DCTN5: variants seen among roughly 807,000 people sequenced by gnomAD.
DCTN5 encodes the protein dynactin 4.
Under a neutral mutation model 23.5 loss-of-function variants are expected in DCTN5, and 14 were observed. That is an observed-to-expected ratio of 0.60 (90% CI 0.39 to 0.93). DCTN5 has a LOEUF of 0.93. Ranked by LOEUF, DCTN5 falls within the 40% of genes least tolerant of loss-of-function variation. The pLI is 0.00. For synonymous variants in DCTN5, 67 were observed against 79.6 expected, an observed-to-expected ratio of 0.84 and a Z score of 0.84; for missense variants, 156 against 225.9, an observed-to-expected ratio of 0.69 and a Z score of 1.98.
chr16:23,650,842 A>C, intron 2 of DCTN5: 1 of 1,467,570 alleles, frequency 6.8e-7, no homozygotes, highest in Non-Finnish European at 9.2e-7. Context: ...AGTCAGTAAG[A>C]CTGAGTGTGA....
rs993087872 is a variant in DCTN5 at position 23,674,116 on chromosome 16, G to A, written c.*6972G>A. On this transcript the variant is annotated 3_prime_UTR_variant, in exon 6 of 6. Coordinates refer to ENST00000300087, the MANE Select transcript of DCTN5 (RefSeq NM_032486.4). ...CCTAATTGCCTGGCCCTGACTCTAA[G>A]CTGAAACCTGCTACTGTCTGCCTTG... The A allele has an allele frequency of 8.5e-5, 13 of 152,172 alleles. No individual in the cohort carries two copies. Among genetic ancestry groups the A allele is most frequent in the Non-Finnish European group, 1.6e-4 (11 of 68,040 alleles). 9.4% of individuals were successfully genotyped at this position (152,172 alleles called of 1,614,324 possible).
At chr16:23,660,704 A>G (rs1410807609) in intron 3 of DCTN5, among the ~76,000 whole-genome samples, 2 of 152,156 alleles carry the variant, frequency 1.3e-5, no homozygotes, top group Non-Finnish European at 2.9e-5. Flanking sequence ...CCTAATTTCT[A>G]GCATTGAGTC....
chr16:23,665,725 C>G lies in DCTN5; in HGVS notation c.448C>G (p.Pro150Ala), dbSNP rs774195056. 3.1e-6 allele frequency: 5 copies of G among 1,612,206 alleles called. No individual in the cohort carries two copies. The Admixed American group carries it at 8.4e-5, about 27-fold the overall frequency. Residue 150 changes from proline (P) to alanine (A), a missense_variant, in exon 5 of 6, where the codon CCA (proline) becomes GCA (alanine). By Grantham distance (27) the Pro-to-Ala change is conservative. This residue lies in a region of DCTN5 where 153 missense variants were observed against 206.8 expected (regional missense o/e 0.74). Coordinates refer to ENST00000300087, the MANE Select transcript of DCTN5 (RefSeq NM_032486.4). Reference protein sequence around the residue: ...VPPFTVFSGCPGLFSGELPEC... With the variant: ...VPPFTVFSGCAGLFSGELPEC... ...ACCATTCACTGTCTTCTCAGGCTGC[C>G]CAGGTAACCTTGGCTGTTGATTAAT...
chr16:23,645,072 ACCCAGC>A (rs1191317754), intron 2 of DCTN5, among the ~76,000 whole-genome samples: 4 of 105,298 alleles, frequency 3.8e-5, no homozygotes, highest in Non-Finnish European at 7.4e-5. Context: ...GAGCCACTGC[ACCCAGC>A]CTAACTATAT....
At chr16:23,660,657 G>A (rs982457559) in intron 3 of DCTN5, among the ~76,000 whole-genome samples, 11 of 152,110 alleles carry the variant, frequency 7.2e-5, no homozygotes, top group Non-Finnish European at 1.0e-4. Flanking sequence ...CAAGCTGCTC[G>A]TGGACAGTGT....
rs1241413260 is a variant in DCTN5, at chr16:23,672,333, C to A, written c.*5189C>A. The A allele has an allele frequency of 1.3e-5, 2 of 152,164 alleles. No homozygotes were observed. Among genetic ancestry groups the A allele is most frequent in the African/African-American group, 4.8e-5 (2 of 41,414 alleles). 9.4% of individuals were successfully genotyped at this position (152,164 alleles called of 1,614,324 possible). On this transcript the variant is annotated 3_prime_UTR_variant, in exon 6 of 6. Coordinates refer to ENST00000300087, the MANE Select transcript of DCTN5 (RefSeq NM_032486.4). ...AGGCACATCATCTCCTGGATAGAAT[C>A]CTAGGAAATGGGCACTATAATGGGC...
intron 2 of DCTN5, chr16:23,657,572 C>G: frequency 2.9e-6 from 1 of 349,998 alleles, no homozygotes. Context: ...TCCCGAGTAG[C>G]TGGGATTACT....
intron 2 of DCTN5, among the ~76,000 whole-genome samples, chr16:23,645,151 TA>T (rs1967429089): frequency 9.5e-6 from 1 of 104,760 alleles, no homozygotes; most frequent in Non-Finnish European, 1.9e-5. Context: ...TTTTTTTTTT[TA>T]ATACGCAGTT....
At chr16:23,658,750 C>A in intron 3 of DCTN5, 125 bp downstream of exon 3, 1 of 728,076 alleles carries the variant, frequency 1.4e-6, no homozygotes, top group South Asian at 1.7e-5. Flanking sequence ...TAAGAGTTCA[C>A]CATAATGAAC....
At chr16:23,646,202 T>C (rs563499821) in intron 2 of DCTN5, among the ~76,000 whole-genome samples, 5 of 152,318 alleles carry the variant, frequency 3.3e-5, no homozygotes, top group African/African-American at 1.2e-4. Context: ...TGAACATCTT[T>C]GAATGTTGCT....
Position 23,645,469 on chromosome 16 carries a change from C to T in DCTN5, c.117+2446C>T, listed in dbSNP as rs1322135061. Among the ~76,000 whole-genome samples, 3 of 152,158 alleles carry T rather than the reference C, an allele frequency of 2.0e-5. No individual in the cohort carries two copies. The East Asian group carries it at 5.8e-4, about 30-fold the overall frequency. On this transcript the variant is annotated intron_variant, in intron 2 of 5. Coordinates refer to ENST00000300087, the MANE Select transcript of DCTN5 (RefSeq NM_032486.4). ...CAATTAGTTGCATTAATTACATTCA[C>T]AATGTTGTGCAACCATCTCCACTAT...
rs756086132 is a variant in DCTN5 at position 23,661,234 on chromosome 16, G to A, written c.301G>A (p.Ala101Thr). ...VFIEEDCVVN[A>T]AQIGSYVHVG... ...TATTGAGGAAGATTGTGTGGTCAACGCAGCACAGATTGGTTCCTATGTTCA... is the reference window on the plus strand; with the variant it reads ...TATTGAGGAAGATTGTGTGGTCAACACAGCACAGATTGGTTCCTATGTTCA... Residue 101 changes from alanine to threonine, a missense_variant, in exon 4 of 6, where the codon GCA (alanine) becomes ACA (threonine). By Grantham distance (58) the Ala-to-Thr change is moderately conservative. Around this residue, in one of 2 missense-constraint regions of DCTN5, gnomAD observed 153 missense variants for 206.8 expected, o/e 0.74. Coordinates refer to ENST00000300087, the MANE Select transcript of DCTN5 (RefSeq NM_032486.4). 3.1e-6 allele frequency: 5 copies of A among 1,613,200 alleles called. No homozygotes were observed. Among genetic ancestry groups the A allele is most frequent in the South Asian group, 2.2e-5 (2 of 90,762 alleles).
In DCTN5 at chr16:23,651,026, C is replaced by G; in HGVS notation, c.118-7481C>G. On this transcript the variant is annotated intron_variant, in intron 2 of 5. Coordinates refer to ENST00000300087, the MANE Select transcript of DCTN5 (RefSeq NM_032486.4). ...ACTTTTTAAAATGCAAGATGTTCCA[C>G]TACTCAAATAGTAATGTTTAATTTT... The G allele has an allele frequency of 2.1e-6, 3 of 1,404,084 alleles. No individual in the cohort carries two copies. The Middle Eastern group carries it at 7.7e-4, about 360-fold the overall frequency. 87.0% of individuals were successfully genotyped at this position (1,404,084 alleles called of 1,614,324 possible).
intron 2 of DCTN5, among the ~76,000 whole-genome samples, 169 bp downstream of exon 2, chr16:23,643,192 T>G (rs1015397610): frequency 4.6e-5 from 7 of 152,250 alleles, no homozygotes; most frequent in African/African-American, 1.7e-4. Context: ...TTTTGTTTTT[T>G]TTTTGTTTCG....
intron 3 of DCTN5, among the ~76,000 whole-genome samples, 176 bp downstream of exon 3, chr16:23,658,801 G>A (rs537854025): frequency 1.3e-4 from 20 of 152,166 alleles, no homozygotes; most frequent in Non-Finnish European, 2.5e-4. Flanking sequence ...TTGATGATTG[G>A]TTGCTACAAA....
At position 23,668,376 on chromosome 16, in the gene DCTN5, CTA is replaced by C. The variant is rs1967944333; in HGVS notation, c.*1233_*1234del. Reference sequence around the variant, plus strand: ...CACTAGTTCCATCTAGAACTCCTTTCTAGTTTGTTATTTTTAAAATGTTTATA... The same window carrying C: ...CACTAGTTCCATCTAGAACTCCTTTCGTTTGTTATTTTTAAAATGTTTATA... On this transcript the variant is annotated 3_prime_UTR_variant, in exon 6 of 6. Coordinates refer to ENST00000300087, the MANE Select transcript of DCTN5 (RefSeq NM_032486.4). 6.6e-6 allele frequency: 1 copy of C among 152,190 alleles called. No homozygotes were observed. Among genetic ancestry groups the C allele is most frequent in the African/African-American group, 2.4e-5 (1 of 41,444 alleles). 9.4% of individuals were successfully genotyped at this position (152,190 alleles called of 1,614,324 possible). A position where few individuals can be genotyped will look rare whatever the true frequency, so the allele number is the denominator to read the frequency against.
chr16:23,654,164 C>T (rs892593909), intron 2 of DCTN5, among the ~76,000 whole-genome samples: 14 of 152,092 alleles, frequency 9.2e-5, no homozygotes, highest in African/African-American at 3.4e-4. Context: ...CCCAGCAATC[C>T]CATTACTGGA....
chr16:23,652,318 T>C (rs1229811759), intron 2 of DCTN5, among the ~76,000 whole-genome samples: 2 of 152,174 alleles, frequency 1.3e-5, no homozygotes. Context: ...TGCCTATTGA[T>C]CATCCCGTAG....
chr16:23,641,966 C>T (rs1443056055), intron 1 of DCTN5, among the ~76,000 whole-genome samples: 7 of 151,976 alleles, frequency 4.6e-5, no homozygotes, highest in African/African-American at 1.4e-4. Context: ...GGCGGAGACT[C>T]TGTCGCCCAG....
Sources: gnomAD v4.1 joint callset for allele counts (sites outside exome capture counted in the v4.1 genomes callset) on GRCh38, gnomAD v4.1.1 for gene constraint, gnomAD v4.1.1 regional missense constraint, MANE v1.5 for transcripts, NCBI Gene and HGNC (gene_info 2026-07-23, HGNC 2026-07-21) for gene names.